Variants in SEMA4D observed in about 807,000 individuals in gnomAD.
The protein encoded by SEMA4D is semaphorin-4D.
A neutral mutation model predicts 74.8 loss-of-function variants in SEMA4D; 22 were observed. That is an observed-to-expected ratio of 0.29 (90% confidence interval 0.21 to 0.42). The LOEUF (loss-of-function observed/expected upper bound fraction) is 0.42, where lower values mean the gene tolerates loss of function less well. Ranked by LOEUF, SEMA4D falls within the 10% of genes least tolerant of loss-of-function variation. SEMA4D has a pLI of 1.00. For synonymous variants in SEMA4D, 445 were observed against 463.7 expected (o/e 0.96, Z 0.52); for missense variants, 937 against 1,118.4 (o/e 0.84, Z 2.31).
At chr9:89,439,592 T>G (rs2135046774) in intron 2 of SEMA4D, among the ~76,000 whole-genome samples, 1 of 152,232 alleles carries the variant, frequency 6.6e-6, no homozygotes, top group Non-Finnish European at 1.5e-5. Context: ...AAGCTAATGG[T>G]TTCAAACACC....
chr9:89,426,603 C>T (rs1203127574), intron 2 of SEMA4D, among the ~76,000 whole-genome samples: 3 of 152,176 alleles, frequency 2.0e-5, no homozygotes, highest in Non-Finnish European at 2.9e-5. Context: ...TCATCTGGGG[C>T]TGTCAGTTCC....
At chr9:89,364,072 T>C in intron 16 of SEMA4D, 1 of 1,583,756 alleles carries the variant, frequency 6.3e-7, no homozygotes, top group Non-Finnish European at 8.6e-7. Context: ...TTGGGACAAC[T>C]TCCAATTCAG....
chr9:89,370,469 TTGTG>T (rs918541577), intron 16 of SEMA4D, among the ~76,000 whole-genome samples: 1 of 141,714 alleles, frequency 7.1e-6, no homozygotes, highest in Admixed American at 7.0e-5. Flanking sequence ...TGTGTCTGGT[TTGTG>T]TGTGTGGTGT....
rs1836318589 is a variant in SEMA4D at position 89,378,875 on chromosome 9, G to A, written c.2418C>T (p.His806=). The A allele has an allele frequency of 3.7e-6, 6 of 1,614,176 alleles. No individual in the cohort carries two copies. In the East Asian group the frequency reaches 1.1e-4, roughly 30 times the overall value. ...AGCCGGTGTCCAGGGCTGGCTTGGG[G>A]TGCTCCCCATTCTGCTGGGAGAAGC... ...PGSFSQQNGE[H]PKPALDTGYE... Residue 806 remains histidine (H), a synonymous_variant, in exon 16 of 16, where the codon CAC becomes CAT. Transcript: ENST00000422704.
At chr9:89,439,958 C>T (rs1851325427) in intron 2 of SEMA4D, among the ~76,000 whole-genome samples, 1 of 152,230 alleles carries the variant, frequency 6.6e-6, no homozygotes, top group African/African-American at 2.4e-5. Flanking sequence ...TACATTGGCA[C>T]ACTGCCCCTC....
At chr9:89,369,652 G>T (rs1222418884) in intron 16 of SEMA4D, 2 of 152,276 alleles carry the variant, frequency 1.3e-5, no homozygotes, top group East Asian at 1.9e-4. Context: ...TGGCACACGG[G>T]TGGTGGGGTT....
chr9:89,418,521 G>C, intron 2 of SEMA4D: 1 of 621,718 alleles, frequency 1.6e-6, no homozygotes, highest in African/African-American at 2.0e-5. Flanking sequence ...GGCAAAGAAG[G>C]AAAAAGCAGA....
chr9:89,429,147 T>C (rs942321350), intron 2 of SEMA4D, among the ~76,000 whole-genome samples: 2 of 152,200 alleles, frequency 1.3e-5, no homozygotes, highest in Admixed American at 6.5e-5. Flanking sequence ...GCATGGGCAC[T>C]GGACAGAAGT....
intron 18 of SEMA4D, among the ~76,000 whole-genome samples, chr9:89,362,646 G>C (rs1000040581): frequency 6.6e-6 from 1 of 152,256 alleles, no homozygotes; most frequent in African/African-American, 2.4e-5. Flanking sequence ...TCCACTCCCA[G>C]ATTGTGCTGA....
At chr9:89,442,499 C>G (rs1290251548) in intron 2 of SEMA4D, among the ~76,000 whole-genome samples, 1 of 151,984 alleles carries the variant, frequency 6.6e-6, no homozygotes, top group East Asian at 1.9e-4. Flanking sequence ...AGATGGTCAG[C>G]AGCAAGGAGG....
chr9:89,491,124 C>T (rs989797445), intron 1 of SEMA4D, among the ~76,000 whole-genome samples: 18 of 152,232 alleles, frequency 1.2e-4, no homozygotes, highest in African/African-American at 4.3e-4. Flanking sequence ...ACAGCATTGC[C>T]TCTAGTGGGA....
At chr9:89,477,140 T>A (rs940309040) in intron 1 of SEMA4D, among the ~76,000 whole-genome samples, 1 of 151,728 alleles carries the variant, frequency 6.6e-6, no homozygotes, top group Non-Finnish European at 1.5e-5. Flanking sequence ...TCCAAGAAAC[T>A]CTCCCAGAAT....
chr9:89,462,234 T>G (rs1442480907), intron 1 of SEMA4D, among the ~76,000 whole-genome samples: 1 of 152,180 alleles, frequency 6.6e-6, no homozygotes, highest in Non-Finnish European at 1.5e-5. Flanking sequence ...GCACTGCAAA[T>G]TCTTGAAACT....
chr9:89,373,416 C>T (rs1297901278), downstream of SEMA4D, among the ~76,000 whole-genome samples: 2 of 152,184 alleles, frequency 1.3e-5, no homozygotes, highest in Non-Finnish European at 2.9e-5. Context: ...ACACATGGGC[C>T]TCCACCAGCT....
intron 16 of SEMA4D, chr9:89,364,068 C>T: frequency 1.9e-6 from 3 of 1,589,706 alleles, no homozygotes; most frequent in South Asian, 2.3e-5. Flanking sequence ...TGACTTGGGA[C>T]AACTTCCAAT....
intron 1 of SEMA4D, among the ~76,000 whole-genome samples, chr9:89,466,262 T>C (rs528759726): frequency 6.6e-6 from 1 of 152,082 alleles, no homozygotes; most frequent in African/African-American, 2.4e-5. Context: ...AAAAATAGGG[T>C]GATCACTCCG....
chr9:89,441,375 T>G (rs575855395), intron 2 of SEMA4D, among the ~76,000 whole-genome samples: 1 of 152,292 alleles, frequency 6.6e-6, no homozygotes, highest in Admixed American at 6.5e-5. Flanking sequence ...CCAACAACAT[T>G]AGCTTTCCAG....
At chr9:89,424,224 T>C (rs1395053971) in intron 2 of SEMA4D, among the ~76,000 whole-genome samples, 1 of 152,160 alleles carries the variant, frequency 6.6e-6, no homozygotes, top group Non-Finnish European at 1.5e-5. Flanking sequence ...AAATGAGGAC[T>C]GTAAGGCATG....
At chr9:89,451,687 T>C (rs1293790505) in intron 2 of SEMA4D, among the ~76,000 whole-genome samples, 6 of 152,178 alleles carry the variant, frequency 3.9e-5, no homozygotes, top group Admixed American at 6.5e-5. Context: ...CCCAGGAAAC[T>C]AGGGCTCCCA....
Sources: allele counts gnomAD v4.1 joint callset (sites outside exome capture counted in the v4.1 genomes callset), GRCh38; gene constraint gnomAD v4.1.1; transcripts MANE v1.5; gene names NCBI Gene and HGNC (gene_info 2026-07-23, HGNC 2026-07-21).